Variants in CADM2 observed in about 807,000 individuals in gnomAD.
CADM2 encodes the protein immunoglobulin superfamily member 4D.
CADM2 carries 12 observed loss-of-function variants against 49.8 expected under a neutral mutation model. The observed-to-expected ratio is 0.24, with a 90% CI of 0.15 to 0.39. The LOEUF is 0.39. Ranked by LOEUF, CADM2 falls within the 10% of genes least tolerant of loss-of-function variation. The probability of loss-of-function intolerance (pLI) is 1.00; values close to 1 mark genes in which losing one functional copy is unlikely to be tolerated. For synonymous variants in CADM2, 214 were observed against 175.4 expected (o/e 1.22, Z -1.74); for missense variants, 378 against 492.3 (o/e 0.77, Z 2.20).
chr3:85,206,650 G>A (rs2107758265), intron 1 of CADM2, among the ~76,000 whole-genome samples: 1 of 152,098 alleles, frequency 6.6e-6, no homozygotes, highest in East Asian at 1.9e-4. Flanking sequence ...ACTTTTTTCA[G>A]ACTGTCTTGA....
At chr3:85,109,907 ATGT>A (rs2107566358) in intron 1 of CADM2, among the ~76,000 whole-genome samples, 1 of 151,976 alleles carries the variant, frequency 6.6e-6, no homozygotes, top group East Asian at 1.9e-4. Flanking sequence ...GAAATTTTTG[ATGT>A]TGTGTCTTTG....
intron 1 of CADM2, among the ~76,000 whole-genome samples, chr3:85,468,115 C>T (rs1047837493): frequency 7.3e-6 from 1 of 137,676 alleles, no homozygotes; most frequent in African/African-American, 2.8e-5. Context: ...GATCCCGCCA[C>T]TGCACTCCAG....
At chr3:85,836,641 G>T (rs2108249546) in intron 3 of CADM2, among the ~76,000 whole-genome samples, 1 of 151,668 alleles carries the variant, frequency 6.6e-6, no homozygotes, top group Admixed American at 6.6e-5. Flanking sequence ...GACTGAAATA[G>T]AGGGTAATGG....
intron 1 of CADM2, among the ~76,000 whole-genome samples, chr3:85,506,414 G>A (rs1042845126): frequency 2.6e-5 from 4 of 152,158 alleles, no homozygotes; most frequent in African/African-American, 9.7e-5. Flanking sequence ...ACCAGGACAT[G>A]CAACATTAAC....
chr3:85,002,286 G>C (rs988112141), intron 1 of CADM2, among the ~76,000 whole-genome samples: 5 of 151,860 alleles, frequency 3.3e-5, no homozygotes, highest in Non-Finnish European at 2.9e-5. Flanking sequence ...TACTTTTGTG[G>C]TGTCTTACTG....
intron 3 of CADM2, among the ~76,000 whole-genome samples, chr3:85,812,192 G>A (rs2072924194): frequency 6.6e-6 from 1 of 152,048 alleles, no homozygotes. Context: ...TCTGCAGGTA[G>A]GTAACTGTAA....
At chr3:85,949,192 T>C (rs1723097202) in intron 7 of CADM2, among the ~76,000 whole-genome samples, 1 of 151,380 alleles carries the variant, frequency 6.6e-6, no homozygotes, top group African/African-American at 2.4e-5. Flanking sequence ...AATCAATTTA[T>C]ATGACTTTTT....
intron 1 of CADM2, among the ~76,000 whole-genome samples, chr3:85,484,955 T>G (rs1394226898): frequency 6.6e-6 from 1 of 151,936 alleles, no homozygotes; most frequent in Admixed American, 6.6e-5. Context: ...AGCACAGTAA[T>G]AGTTTTATGG....
chr3:85,585,581 T>C lies in CADM2; in HGVS notation c.62-140941T>C, dbSNP rs570685326. Among the ~76,000 whole-genome samples the C allele has an allele frequency of 1.3e-3, 198 of 152,136 alleles. 1 individual carries two copies. The highest frequency in any genetic ancestry group is 2.3e-3 in the Non-Finnish European group (158 of 67,978). On this transcript the variant is annotated intron_variant, in intron 1 of 9. Coordinates refer to ENST00000383699, the MANE Select transcript of CADM2 (RefSeq NM_001167675.2). Reference sequence around the variant, plus strand: ...ACATAGTATATATTGGATTGGGTACTATCTGCACTTTTAGGCATCCACTGA... The same window carrying C: ...ACATAGTATATATTGGATTGGGTACCATCTGCACTTTTAGGCATCCACTGA...
chr3:85,057,371 A>G (rs1458010966), intron 1 of CADM2, among the ~76,000 whole-genome samples: 1 of 151,910 alleles, frequency 6.6e-6, no homozygotes, highest in Non-Finnish European at 1.5e-5. Flanking sequence ...CAAATATTTT[A>G]TGAAATCTTC....
intron 1 of CADM2, among the ~76,000 whole-genome samples, chr3:85,442,218 T>C (rs1017009634): frequency 2.6e-5 from 4 of 152,064 alleles, no homozygotes; most frequent in African/African-American, 9.7e-5. Context: ...ACCATTCTAA[T>C]AGTGATGTTC....
At chr3:85,565,084 A>G (rs901706246) in intron 1 of CADM2, among the ~76,000 whole-genome samples, 21 of 152,204 alleles carry the variant, frequency 1.4e-4, no homozygotes, top group Non-Finnish European at 2.6e-4. Flanking sequence ...GGTGTTCTTA[A>G]TTGCAGATGG....
chr3:86,020,870 C>T (rs1733066521), intron 8 of CADM2, among the ~76,000 whole-genome samples: 1 of 152,124 alleles, frequency 6.6e-6, no homozygotes, highest in African/African-American at 2.4e-5. Context: ...GACAAACCCA[C>T]AGCCAATATC....
intron 1 of CADM2, among the ~76,000 whole-genome samples, chr3:85,494,921 G>T (rs904411243): frequency 6.6e-6 from 1 of 152,132 alleles, no homozygotes; most frequent in Non-Finnish European, 1.5e-5. Flanking sequence ...TGAATGGGGC[G>T]AAAGAAAACG....
At chr3:85,641,231 A>G (rs961508975) in intron 1 of CADM2, among the ~76,000 whole-genome samples, 10 of 152,214 alleles carry the variant, frequency 6.6e-5, no homozygotes, top group Non-Finnish European at 1.5e-4. Flanking sequence ...AAGTATATAC[A>G]CTAGTGATAG....
chr3:85,765,202 T>A (rs1240413842), intron 2 of CADM2, among the ~76,000 whole-genome samples: 1 of 152,116 alleles, frequency 6.6e-6, no homozygotes, highest in South Asian at 2.1e-4. Flanking sequence ...ATTATTCTGA[T>A]GTCCTCTGGC....
At chr3:84,999,584 G>T (rs922862822) in intron 1 of CADM2, among the ~76,000 whole-genome samples, 1 of 152,100 alleles carries the variant, frequency 6.6e-6, no homozygotes, top group African/African-American at 2.4e-5. Flanking sequence ...GCATGAAATA[G>T]ACCTTAAAAA....
At chr3:85,675,374 C>G (rs188489272) in intron 1 of CADM2, among the ~76,000 whole-genome samples, 2 of 152,216 alleles carry the variant, frequency 1.3e-5, no homozygotes, top group Admixed American at 1.3e-4. Flanking sequence ...TCCATGCTTA[C>G]TTTTAAATGT....
chr3:85,545,000 C>G (rs1429398770), intron 1 of CADM2, among the ~76,000 whole-genome samples: 1 of 152,090 alleles, frequency 6.6e-6, no homozygotes, highest in African/African-American at 2.4e-5. Context: ...CAGACCTGCT[C>G]CTTGTCAAAA....
Sources: gnomAD v4.1 joint callset for allele counts (sites outside exome capture counted in the v4.1 genomes callset) on GRCh38, gnomAD v4.1.1 for gene constraint, MANE v1.5 for transcripts, NCBI Gene and HGNC (gene_info 2026-07-23, HGNC 2026-07-21) for gene names.